The following PAK5 variants were observed in gnomAD, a reference collection of about 807,000 sequenced individuals.
PAK5 encodes the protein serine/threonine-protein kinase PAK 5.
PAK5 carries 16 observed loss-of-function variants against 65.9 expected under a neutral mutation model. That is an observed-to-expected ratio of 0.24 (90% confidence interval 0.16 to 0.37). The LOEUF (loss-of-function observed/expected upper bound fraction) is 0.37. PAK5 is among the 10% of genes least tolerant of loss of function. The pLI, the probability that PAK5 is intolerant of heterozygous loss-of-function variation, is 1.00. For missense variants in PAK5, 785 were observed against 903.9 expected (o/e 0.87, Z 1.69); for synonymous variants, 371 against 354.9 (o/e 1.05, Z -0.51).
chr20:9,773,099 G>A (rs1226920915), intron 1 of PAK5, among the ~76,000 whole-genome samples: 1 of 152,164 alleles, frequency 6.6e-6, no homozygotes, highest in South Asian at 2.1e-4. Context: ...GGCCATCCAA[G>A]AAGATCTCTC....
intron 1 of PAK5, among the ~76,000 whole-genome samples, chr20:9,773,390 C>T (rs191046722): frequency 6.6e-6 from 1 of 152,106 alleles, no homozygotes; most frequent in African/African-American, 2.4e-5. Context: ...CCTCCCCCTT[C>T]CCCCGACCCC....
chr20:9,767,542 T>C (rs1348975446), intron 1 of PAK5, among the ~76,000 whole-genome samples: 1 of 152,224 alleles, frequency 6.6e-6, no homozygotes, highest in African/African-American at 2.4e-5. Context: ...ACCTTTCCCA[T>C]TTCATTTAAT....
intron 1 of PAK5, among the ~76,000 whole-genome samples, chr20:9,795,058 C>G (rs2049090612): frequency 6.6e-6 from 1 of 151,964 alleles, no homozygotes; most frequent in East Asian, 1.9e-4. Flanking sequence ...CCATAAATAC[C>G]CTCAGGCATA....
At chr20:9,657,575 T>C (rs888925825) in intron 2 of PAK5, among the ~76,000 whole-genome samples, 1 of 152,208 alleles carries the variant, frequency 6.6e-6, no homozygotes, top group Non-Finnish European at 1.5e-5. Context: ...TAGTTTTACC[T>C]CTTTTGTGTT....
chr20:9,597,834 C>T (rs6056737), intron 3 of PAK5, among the ~76,000 whole-genome samples: 115 of 152,310 alleles, frequency 7.6e-4, no homozygotes, highest in African/African-American at 2.6e-3. Flanking sequence ...CCATGCTAGG[C>T]CAGCCAGCCT....
At chr20:9,792,503 A>G (rs2049060265) in intron 1 of PAK5, among the ~76,000 whole-genome samples, 2 of 152,200 alleles carry the variant, frequency 1.3e-5, no homozygotes, top group South Asian at 2.1e-4. Flanking sequence ...TTATTTTCAC[A>G]TGAGGAAATA....
intron 3 of PAK5, among the ~76,000 whole-genome samples, chr20:9,627,255 T>G (rs2046857052): frequency 6.6e-6 from 1 of 152,218 alleles, no homozygotes; most frequent in Non-Finnish European, 1.5e-5. Flanking sequence ...GAAAGCTATT[T>G]CCTCATGCAC....
chr20:9,811,285 C>T (rs1569097737), intron 1 of PAK5, among the ~76,000 whole-genome samples: 1 of 152,074 alleles, frequency 6.6e-6, no homozygotes. Flanking sequence ...CCTATGGATG[C>T]CACTTCCCAA....
At chr20:9,572,129 A>C (rs1262804990) in intron 4 of PAK5, among the ~76,000 whole-genome samples, 2 of 152,046 alleles carry the variant, frequency 1.3e-5, no homozygotes, top group Non-Finnish European at 2.9e-5. Context: ...AGCTAAAAAA[A>C]AGAGTAGTCA....
chr20:9,809,189 A>G (rs2049268087), intron 1 of PAK5, among the ~76,000 whole-genome samples: 1 of 152,136 alleles, frequency 6.6e-6, no homozygotes, highest in African/African-American at 2.4e-5. Flanking sequence ...CACTAGATAT[A>G]CTATGAAGCT....
At chr20:9,731,532 T>A (rs147372349) in intron 1 of PAK5, among the ~76,000 whole-genome samples, 1 of 152,298 alleles carries the variant, frequency 6.6e-6, no homozygotes, top group East Asian at 1.9e-4. Flanking sequence ...AACTCTGTGA[T>A]TTACTGTGAT....
chr20:9,675,505 T>A (rs970566584), intron 2 of PAK5, among the ~76,000 whole-genome samples: 2 of 152,000 alleles, frequency 1.3e-5, no homozygotes, highest in Admixed American at 6.6e-5. Context: ...TTTATTTATT[T>A]ATTATTTATT....
chr20:9,736,304 C>T (rs2048389063), intron 1 of PAK5, among the ~76,000 whole-genome samples: 1 of 152,040 alleles, frequency 6.6e-6, no homozygotes, highest in Non-Finnish European at 1.5e-5. Flanking sequence ...ATTTAAGTGT[C>T]AGTGGATTTT....
chr20:9,759,632 T>C (rs1418678190), intron 1 of PAK5, among the ~76,000 whole-genome samples: 1 of 152,112 alleles, frequency 6.6e-6, no homozygotes, highest in African/African-American at 2.4e-5. Context: ...CTGAACAAAG[T>C]TACATCTTGA....
chr20:9,568,713 T>C (rs988842015), intron 4 of PAK5, among the ~76,000 whole-genome samples: 1 of 152,202 alleles, frequency 6.6e-6, no homozygotes, highest in Non-Finnish European at 1.5e-5. Context: ...ATGCCTGTAA[T>C]GCCAGAGCTT....
chr20:9,590,908 T>A (rs1474039978), intron 3 of PAK5, among the ~76,000 whole-genome samples: 1 of 152,150 alleles, frequency 6.6e-6, no homozygotes. Flanking sequence ...GGTGGTAAGG[T>A]CACCTTAGGC....
At chr20:9,725,822 G>T (rs1296320193) in intron 1 of PAK5, among the ~76,000 whole-genome samples, 1 of 152,066 alleles carries the variant, frequency 6.6e-6, no homozygotes, top group African/African-American at 2.4e-5. Flanking sequence ...GCACTGATAT[G>T]TTATATTCAA....
At chr20:9,561,092 G>T (rs923667036) in intron 6 of PAK5, among the ~76,000 whole-genome samples, 11 of 152,150 alleles carry the variant, frequency 7.2e-5, no homozygotes, top group African/African-American at 2.2e-4. Flanking sequence ...CTGAGTTTAA[G>T]ATTTCGAATA....
At chr20:9,618,878 G>A (rs75940231) in intron 3 of PAK5, among the ~76,000 whole-genome samples, 1,544 of 139,592 alleles carry the variant, frequency 0.011, 15 homozygotes, top group Non-Finnish European at 0.018. Context: ...AAGGTAGAAA[G>A]TGGCTTCTCT....
Sources: allele counts gnomAD v4.1 joint callset (sites outside exome capture counted in the v4.1 genomes callset), GRCh38; gene constraint gnomAD v4.1.1; transcripts MANE v1.5; gene names NCBI Gene and HGNC (gene_info 2026-07-23, HGNC 2026-07-21).